Variants in CPNE8 observed in about 807,000 individuals in gnomAD.
CPNE8 encodes the protein copine 8.
CPNE8 carries 45 observed loss-of-function variants against 81.5 expected under a neutral mutation model. The observed-to-expected ratio is 0.55, with a 90% CI of 0.44 to 0.71. The LOEUF (loss-of-function observed/expected upper bound fraction) is 0.71, where lower values mean the gene tolerates loss of function less well. Ranked by LOEUF, CPNE8 falls within the 30% of genes least tolerant of loss-of-function variation. CPNE8 has a pLI of 0.00. For synonymous variants in CPNE8, 252 were observed against 226.3 expected (o/e 1.11, Z -1.02); for missense variants, 594 against 672.1 (o/e 0.88, Z 1.28).
intron 19 of CPNE8, among the ~76,000 whole-genome samples, chr12:38,658,579 C>T (rs570162370): frequency 6.6e-5 from 10 of 152,186 alleles, no homozygotes; most frequent in Non-Finnish European, 1.3e-4. Flanking sequence ...AGAAGAGCAA[C>T]CCCAAGACAT....
chr12:38,786,170 C>T (rs1242151751), intron 6 of CPNE8, among the ~76,000 whole-genome samples: 1 of 152,080 alleles, frequency 6.6e-6, no homozygotes, highest in East Asian at 1.9e-4. Flanking sequence ...AAGAAACACA[C>T]TTAACTTATA....
intron 10 of CPNE8, 23 bp from the exon 11 acceptor site, chr12:38,730,381 C>T (rs1940803688): frequency 1.6e-6 from 2 of 1,289,674 alleles, no homozygotes; most frequent in Non-Finnish European, 2.2e-6. Context: ...GAAAAAAGTA[C>T]ATAATATTGG....
At chr12:38,885,472 C>T (rs1944224297) in intron 1 of CPNE8, among the ~76,000 whole-genome samples, 1 of 152,070 alleles carries the variant, frequency 6.6e-6, no homozygotes, top group Admixed American at 6.6e-5. Context: ...ATGAATAGAA[C>T]TCATTTAGTT....
At position 38,781,532 on chromosome 12, in the gene CPNE8, T is replaced by C. The variant is rs921974604; in HGVS notation, c.408-5231A>G. 2.0e-5 allele frequency among the ~76,000 whole-genome samples: 3 copies of C among 151,998 alleles called. No homozygotes were observed. In the East Asian group the frequency reaches 5.8e-4, roughly 29 times the overall value. ...CATACAGATTTTAAATTGAAAAGGG[T>C]TGCAAGAAATAGTTATTGTGTAATG... On this transcript the variant is annotated intron_variant, in intron 6 of 19. Transcript: ENST00000331366.
At chr12:38,792,422 T>C (rs1437859307) in intron 6 of CPNE8, among the ~76,000 whole-genome samples, 2 of 148,218 alleles carry the variant, frequency 1.3e-5, no homozygotes, top group African/African-American at 4.9e-5. Flanking sequence ...GCTGCAGAAA[T>C]GAAAAAAGTA....
chr12:38,656,815 G>C (rs1486759772), intron 19 of CPNE8, among the ~76,000 whole-genome samples: 1 of 152,170 alleles, frequency 6.6e-6, no homozygotes, highest in East Asian at 1.9e-4. Context: ...TCCTCCGTAA[G>C]AGCCACACAA....
intron 7 of CPNE8, among the ~76,000 whole-genome samples, chr12:38,771,999 G>A (rs954276844): frequency 2.0e-5 from 3 of 152,152 alleles, no homozygotes; most frequent in Non-Finnish European, 4.4e-5. Context: ...AAGGTGTTTG[G>A]GTTATGGGTG....
chr12:38,868,070 A>G (rs559778902), intron 3 of CPNE8, among the ~76,000 whole-genome samples: 1 of 152,268 alleles, frequency 6.6e-6, no homozygotes, highest in East Asian at 1.9e-4. Flanking sequence ...ATCTCAGAAC[A>G]TAAATTCATA....
At chr12:38,658,963 C>T (rs1157161329) in intron 19 of CPNE8, among the ~76,000 whole-genome samples, 2 of 152,116 alleles carry the variant, frequency 1.3e-5, no homozygotes, top group Admixed American at 6.5e-5. Flanking sequence ...GTGTAAAGAC[C>T]ATCAATGCTA....
intron 6 of CPNE8, among the ~76,000 whole-genome samples, chr12:38,802,215 G>C (rs1252321445): frequency 4.3e-4 from 12 of 27,898 alleles, no homozygotes; most frequent in African/African-American, 7.0e-4. Flanking sequence ...ATTTTTTTCA[G>C]CACCACACCA....
At chr12:38,654,158 C>T (rs1449022332) in intron 19 of CPNE8, 88 bp from the exon 20 acceptor site, 2 of 1,417,512 alleles carry the variant, frequency 1.4e-6, no homozygotes, top group Middle Eastern at 2.6e-4. Context: ...CACATTTGGT[C>T]ATAGGAAAAT....
intron 1 of CPNE8, among the ~76,000 whole-genome samples, chr12:38,897,859 A>T (rs1170015588): frequency 6.6e-6 from 1 of 152,060 alleles, no homozygotes; most frequent in Non-Finnish European, 1.5e-5. Context: ...ACATGTATTA[A>T]CTTATTTAAT....
At chr12:38,733,680 C>G (rs184447426) in intron 10 of CPNE8, among the ~76,000 whole-genome samples, 1,965 of 151,960 alleles carry the variant, frequency 0.013, 29 homozygotes, top group South Asian at 0.042. Flanking sequence ...TTTCCCCTAC[C>G]TTTTATTACA....
intron 10 of CPNE8, among the ~76,000 whole-genome samples, chr12:38,734,343 A>G (rs1483858922): frequency 3.3e-5 from 5 of 152,054 alleles, no homozygotes; most frequent in Non-Finnish European, 7.4e-5. Flanking sequence ...CAATCATATT[A>G]AACATATTAA....
At chr12:38,854,754 T>C (rs1176632072) in intron 3 of CPNE8, among the ~76,000 whole-genome samples, 2 of 152,014 alleles carry the variant, frequency 1.3e-5, no homozygotes, top group Admixed American at 6.6e-5. Flanking sequence ...AGTTAAGTTT[T>C]AAAGGAATAT....
chr12:38,767,480 T>C (rs1379896722), intron 8 of CPNE8, among the ~76,000 whole-genome samples, 155 bp downstream of exon 8: 1 of 152,120 alleles, frequency 6.6e-6, no homozygotes, highest in African/African-American at 2.4e-5. Flanking sequence ...TTTATAAAGT[T>C]GCACAATATT....
At chr12:38,752,824 G>A (rs1408780414) in intron 10 of CPNE8, among the ~76,000 whole-genome samples, 1 of 152,040 alleles carries the variant, frequency 6.6e-6, no homozygotes, top group Non-Finnish European at 1.5e-5. Context: ...TAAATAGTAA[G>A]GTGGTTAAAA....
intron 1 of CPNE8, among the ~76,000 whole-genome samples, chr12:38,902,732 G>A (rs952023938): frequency 2.0e-5 from 3 of 152,166 alleles, no homozygotes; most frequent in African/African-American, 7.2e-5. Flanking sequence ...ACTTATTGAA[G>A]TTCAAAAGAG....
chr12:38,833,723 C>T (rs1389903958), intron 5 of CPNE8, among the ~76,000 whole-genome samples: 1 of 151,974 alleles, frequency 6.6e-6, no homozygotes, highest in Non-Finnish European at 1.5e-5. Flanking sequence ...CGTGATCTGC[C>T]CGCCTTGTCC....
Sources: gnomAD v4.1 joint callset for allele counts (sites outside exome capture counted in the v4.1 genomes callset) on GRCh38, gnomAD v4.1.1 for gene constraint, MANE v1.5 for transcripts, NCBI Gene and HGNC (gene_info 2026-07-23, HGNC 2026-07-21) for gene names.